Variants in SH3BGRL observed in about 807,000 individuals in gnomAD.
SH3BGRL encodes the protein adapter SH3BGRL.
SH3BGRL carries 7 observed loss-of-function variants against 9.8 expected under a neutral mutation model. The observed-to-expected ratio is 0.72, with a 90% CI of 0.41 to 1.35. The LOEUF (loss-of-function observed/expected upper bound fraction) is 1.35, where lower values mean the gene tolerates loss of function less well. Among genes scored for constraint, SH3BGRL ranks in the 40% most tolerant of loss-of-function variants. SH3BGRL has a pLI of 0.01. For missense variants in SH3BGRL, 73 were observed against 84.4 expected (o/e 0.86, Z 0.53); for synonymous variants, 36 against 29.1 (o/e 1.24, Z -0.76).
At chrX:81,271,204 C>T (rs1303691767) in intron 1 of SH3BGRL, among the ~76,000 whole-genome samples, 2 of 112,002 alleles carry the variant, frequency 1.8e-5, no homozygotes, top group Non-Finnish European at 3.8e-5. Context: ...TTGCACTTCC[C>T]CAGTGAGGCA....
chrX:81,248,744 T>A (rs2075698958), intron 1 of SH3BGRL, among the ~76,000 whole-genome samples: 1 of 111,772 alleles, frequency 8.9e-6, no homozygotes, highest in Admixed American at 9.5e-5. Context: ...TATCCGCAGC[T>A]TTTCCTGGTG....
chrX:81,218,963 G>A (rs6622423), intron 1 of SH3BGRL, among the ~76,000 whole-genome samples: 24,114 of 108,297 alleles, frequency 0.22, 2,217 homozygotes, highest in East Asian at 0.7. Context: ...TGCAGGATAC[G>A]AAATCAACAC....
At chrX:81,292,482 G>T (rs2075861301) in intron 3 of SH3BGRL, among the ~76,000 whole-genome samples, 1 of 111,776 alleles carries the variant, frequency 8.9e-6, no homozygotes, top group African/African-American at 3.3e-5. Context: ...ACTATTCCAG[G>T]CCTCTGGGCT....
chrX:81,284,298 GA>G (rs1171643836), intron 3 of SH3BGRL, among the ~76,000 whole-genome samples: 1 of 108,639 alleles, frequency 9.2e-6, no homozygotes, highest in Non-Finnish European at 1.9e-5. Flanking sequence ...CTTCTTCATA[GA>G]AAAAAATCCT....
At chrX:81,246,624 A>G (rs1292750403) in intron 1 of SH3BGRL, among the ~76,000 whole-genome samples, 1 of 110,790 alleles carries the variant, frequency 9.0e-6, no homozygotes, top group Non-Finnish European at 1.9e-5. Flanking sequence ...GTAGGTGTGC[A>G]GCTTTATTTC....
intron 1 of SH3BGRL, among the ~76,000 whole-genome samples, chrX:81,210,935 C>T (rs1434348550): frequency 8.9e-6 from 1 of 112,296 alleles, no homozygotes; most frequent in Admixed American, 9.4e-5. Context: ...TCAGCCTATA[C>T]TATTAGTTAG....
chrX:81,291,022 T>G (rs1351966384), intron 3 of SH3BGRL, among the ~76,000 whole-genome samples: 2 of 112,109 alleles, frequency 1.8e-5, no homozygotes, highest in Non-Finnish European at 1.9e-5. Context: ...GTATAAATTA[T>G]TTTTTGAGTT....
intron 1 of SH3BGRL, among the ~76,000 whole-genome samples, chrX:81,226,788 T>C (rs928481849): frequency 1.6e-4 from 18 of 109,291 alleles, no homozygotes; most frequent in Non-Finnish European, 3.2e-4. Context: ...GAAATGTAGA[T>C]GGGCTCTGAA....
At chrX:81,283,652 A>G (rs1420011979) in intron 3 of SH3BGRL, among the ~76,000 whole-genome samples, 1 of 111,646 alleles carries the variant, frequency 9.0e-6, no homozygotes, top group Non-Finnish European at 1.9e-5. Context: ...CAAAATCAGC[A>G]TACAAGGGAC....
intron 3 of SH3BGRL, among the ~76,000 whole-genome samples, chrX:81,285,179 C>T (rs549817373): frequency 1.8e-5 from 2 of 111,088 alleles, no homozygotes; most frequent in Admixed American, 1.9e-4. Context: ...GATAATAAGC[C>T]TTCAACAAAG....
intron 3 of SH3BGRL, among the ~76,000 whole-genome samples, chrX:81,296,906 A>G (rs750462024): frequency 8.9e-6 from 1 of 112,161 alleles, no homozygotes; most frequent in Admixed American, 9.5e-5. Flanking sequence ...AAATCACACA[A>G]AAAGGAAACT....
intron 1 of SH3BGRL, among the ~76,000 whole-genome samples, chrX:81,242,492 CTT>C (rs1295822557): frequency 1.2e-4 from 13 of 111,946 alleles, no homozygotes; most frequent in African/African-American, 4.2e-4. Flanking sequence ...GGGGGAAACT[CTT>C]TAGGATATTG....
rs183106827 is a variant in SH3BGRL at position 81,294,714 on chromosome X, A to G, written c.313-2481A>G. The stretch of plus-strand genomic sequence containing the variant: ...TGTCCTTCAGACCCCAGAATGGTAG[A>G]TCCACTGACAGCTTGCACCATGTGC... On this transcript the variant is annotated intron_variant, in intron 3 of 3. Coordinates refer to ENST00000373212, the MANE Select transcript of SH3BGRL (RefSeq NM_003022.3). Among the ~76,000 whole-genome samples, 95 of 111,147 alleles carry G rather than the reference A, an allele frequency of 8.5e-4. 1 individual carries two copies. The highest frequency in any genetic ancestry group is 3.0e-3 in the African/African-American group (93 of 30,538).
At chrX:81,242,708 C>T (rs2075674567) in intron 1 of SH3BGRL, among the ~76,000 whole-genome samples, 1 of 111,112 alleles carries the variant, frequency 9.0e-6, no homozygotes, top group African/African-American at 3.3e-5. Flanking sequence ...CTTAAGGAGC[C>T]CAAACAGCTC....
intron 1 of SH3BGRL, among the ~76,000 whole-genome samples, chrX:81,258,027 G>C (rs966393812): frequency 1.8e-5 from 2 of 111,533 alleles, no homozygotes; most frequent in African/African-American, 6.5e-5. Context: ...CATGCCTGCT[G>C]TCTCAAAGCC....
In SH3BGRL at chrX:81,272,373, A is replaced by G. The variant is rs73634738; in HGVS notation, c.46-4611A>G. Among the ~76,000 whole-genome samples, 565 of 111,357 alleles carry G rather than the reference A, an allele frequency of 5.1e-3. 4 individuals carry two copies. Among genetic ancestry groups the G allele is most frequent in the African/African-American group, 0.017 (525 of 30,641 alleles). ...GATGTTCCTTTTAGATGTATTTTGT[A>G]AGTAACTTAGTAAAAGACTGAATTG... On this transcript the variant is annotated intron_variant, in intron 1 of 3. Coordinates refer to ENST00000373212, the MANE Select transcript of SH3BGRL (RefSeq NM_003022.3).
intron 1 of SH3BGRL, among the ~76,000 whole-genome samples, chrX:81,247,485 C>T (rs1412649779): frequency 5.4e-5 from 6 of 111,355 alleles, no homozygotes; most frequent in East Asian, 2.8e-4. Flanking sequence ...GGTTCTTTGA[C>T]GCCTAGTTTC....
At chrX:81,209,802 T>C (rs1360445508) in intron 1 of SH3BGRL, among the ~76,000 whole-genome samples, 1 of 111,774 alleles carries the variant, frequency 8.9e-6, no homozygotes, top group Non-Finnish European at 1.9e-5. Context: ...AGTAGCACCA[T>C]GTTCTTTTAA....
intron 1 of SH3BGRL, among the ~76,000 whole-genome samples, chrX:81,257,076 C>T (rs1457658317): frequency 2.0e-5 from 2 of 98,761 alleles, no homozygotes; most frequent in African/African-American, 3.6e-5. Context: ...ATAGAATACC[C>T]GCTATGGGTC....
Sources: allele counts gnomAD v4.1 joint callset (sites outside exome capture counted in the v4.1 genomes callset), GRCh38; gene constraint gnomAD v4.1.1; transcripts MANE v1.5; gene names NCBI Gene and HGNC (gene_info 2026-07-23, HGNC 2026-07-21).